The following USP19 variants were observed in gnomAD, a reference collection of about 807,000 sequenced individuals.
USP19 encodes ubiquitin carboxyl-terminal hydrolase 19.
In USP19, 40 loss-of-function variants were observed where a neutral mutation model predicts 144.8. The ratio of observed to expected loss-of-function variants is 0.28; its 90% CI spans 0.21 to 0.36. The LOEUF (loss-of-function observed/expected upper bound fraction) is 0.36, where lower values mean the gene tolerates loss of function less well. Among genes scored for constraint, USP19 ranks in the 10% least tolerant of loss-of-function variants. The probability of loss-of-function intolerance (pLI) is 1.00; values close to 1 mark genes in which losing one functional copy is unlikely to be tolerated. For missense variants in USP19, 1,518 were observed against 1,822.5 expected (o/e 0.83, Z 3.04); for synonymous variants, 701 against 709.3 (o/e 0.99, Z 0.19).
In USP19 at chr3:49,114,595, T is replaced by C. The variant is rs2043774498; in HGVS notation, c.2292+168A>G. Among the ~76,000 whole-genome samples the C allele has an allele frequency of 6.6e-6, 1 of 152,198 alleles. No individual in the cohort carries two copies. The highest frequency in any genetic ancestry group is 1.5e-5 in the Non-Finnish European group (1 of 68,024). On this transcript the variant is annotated intron_variant, in intron 15 of 26. Coordinates refer to ENST00000417901, the MANE Select transcript of USP19 (RefSeq NM_001199161.2). This position sits in a 1 kb window ranked among gnomAD's most constrained non-coding sequence, Gnocchi z 4.5. ...TCACTTTTCCCTCAGTCAGGAAGCCTACCCTGAGTGGGCTCTTCAGCCCAA... is the reference window on the plus strand; with the variant it reads ...TCACTTTTCCCTCAGTCAGGAAGCCCACCCTGAGTGGGCTCTTCAGCCCAA...
chr3:49,114,622 T>C lies in USP19; in HGVS notation c.2292+141A>G. 1.1e-6 allele frequency: 1 copy of C among 886,448 alleles called. No individual in the cohort carries two copies. Among genetic ancestry groups the C allele is most frequent in the South Asian group, 1.7e-5 (1 of 58,546 alleles). The allele number at this position is 886,448 out of a possible 1,614,324, so 54.9% of individuals were successfully genotyped here. On this transcript the variant is annotated intron_variant, in intron 15 of 26. Transcript: ENST00000417901. This position sits in a 1 kb window ranked among gnomAD's most constrained non-coding sequence, Gnocchi z 4.5. ...CCCTGAGTGGGCTCTTCAGCCCAAA[T>C]AGAATCCTAAGGCCTCCCTGCCAGC...
Position 49,111,095 on chromosome 3 carries a change from C to T in USP19, c.3400G>A (p.Glu1134Lys). The change falls in exon 23 of 27, where the codon GAG becomes AAG. Residue 1134 changes from glutamate (E) to lysine (K), a missense_variant. Coordinates refer to ENST00000417901, the MANE Select transcript of USP19 (RefSeq NM_001199161.2). This position sits in a 1 kb window ranked among gnomAD's most constrained non-coding sequence, Gnocchi z 5.9. ...LVWRNNERLQ[E>K]FVLVASKELE... ...TCCTTGGAGGCTACCAACACAAACT[C>T]CTGCAAGCGCTCATTGTTCCGCCAG... is the stretch of plus-strand genomic sequence containing the variant. 1 of 1,613,968 alleles carries T rather than the reference C, an allele frequency of 6.2e-7. No individual in the cohort carries two copies. Among genetic ancestry groups the T allele is most frequent in the Non-Finnish European group, 8.5e-7 (1 of 1,180,040 alleles).
Position 49,117,366 on chromosome 3 carries a change from C to T in USP19, c.607-5G>A. ...CTGGGTCCCTAGAGGTTTCTTCTGC[C>T]AAAGATACAGCAGTCAGGCCCTGTC... On this transcript the variant is annotated splice_region_variant and splice_polypyrimidine_tract_variant and intron_variant, in intron 5 of 26. Transcript: ENST00000417901. This position sits in a 1 kb window ranked among gnomAD's most constrained non-coding sequence, Gnocchi z 4.4. The T allele has an allele frequency of 6.3e-7, 1 of 1,598,476 alleles. No individual in the cohort carries two copies. Among genetic ancestry groups the T allele is most frequent in the Non-Finnish European group, 8.6e-7 (1 of 1,169,318 alleles).
rs1014109634 is a variant in USP19 at position 49,117,966 on chromosome 3, T to C, written c.279A>G (p.Gln93=). ...PSSSGSASTP[Q]EEQTKEGACE... ...ACTGACCCTCTTTGGTCTGCTCCTC[T>C]TGAGGAGTGGATGCTGACCCTGACG... The change falls in exon 3 of 27, where the codon CAA becomes CAG. Residue 93 remains glutamine, a synonymous_variant. Transcript: ENST00000417901. This position sits in a 1 kb window ranked among gnomAD's most constrained non-coding sequence, Gnocchi z 4.4. The C allele has an allele frequency of 9.3e-6, 15 of 1,612,404 alleles. No individual in the cohort carries two copies. Among genetic ancestry groups the C allele is most frequent in the Non-Finnish European group, 1.3e-5 (15 of 1,179,648 alleles).
chr3:49,108,738 G>A lies in USP19; in HGVS notation c.4039-210C>T. ...CAGGAAGTAGCTTGGGCAGGGCCAAGCCTGAGGCCAAGGGTCAGAGCAGCA... is the reference window on the plus strand; with the variant it reads ...CAGGAAGTAGCTTGGGCAGGGCCAAACCTGAGGCCAAGGGTCAGAGCAGCA... On this transcript the variant is annotated intron_variant, in intron 26 of 26. Transcript: ENST00000417901. The surrounding 1 kb of genome is among the most constrained non-coding windows in gnomAD (Gnocchi z 4.8). 1 of 1,376,236 alleles carries A rather than the reference G, an allele frequency of 7.3e-7. No individual in the cohort carries two copies. The highest frequency in any genetic ancestry group is 9.3e-7 in the Non-Finnish European group (1 of 1,069,752). 85.3% of individuals were successfully genotyped at this position (1,376,236 alleles called of 1,614,324 possible). A position where few individuals can be genotyped will look rare whatever the true frequency, so the allele number is the denominator to read the frequency against.
chr3:49,117,705 C>T lies in USP19; in HGVS notation c.424G>A (p.Asp142Asn). 3.1e-6 allele frequency: 5 copies of T among 1,614,208 alleles called. No homozygotes were observed. Among genetic ancestry groups the T allele is most frequent in the African/African-American group, 1.3e-5 (1 of 75,050 alleles). ...RVGVGPLQLE[D>N]VDAAFTDTDC... ...GTATCTGTGAAAGCAGCATCTACATCCTCCAGCTGCAGGGGACCTACTCCC... is the reference window on the plus strand; with the variant it reads ...GTATCTGTGAAAGCAGCATCTACATTCTCCAGCTGCAGGGGACCTACTCCC... Residue 142 changes from aspartate to asparagine, a missense_variant, in exon 4 of 27, where the codon GAT becomes AAT. By Grantham distance (23) the Asp-to-Asn change is conservative. This residue lies in a region of USP19 where 707 missense variants were observed against 728.9 expected (regional missense o/e 0.97). Transcript: ENST00000417901. The surrounding 1 kb of genome is among the most constrained non-coding windows in gnomAD (Gnocchi z 4.4).
In USP19 at chr3:49,112,229, G is replaced by A. The variant is rs2043281105; in HGVS notation, c.2765+55C>T. The A allele has an allele frequency of 6.4e-7, 1 of 1,566,294 alleles. No homozygotes were observed. The highest frequency in any genetic ancestry group is 1.9e-5 in the Admixed American group (1 of 52,556). ...TGCCTTGGTGTGAAGGGAAGGAGCAGGGTGGCACATGGAAGGTGGAAAGAA... is the reference window on the plus strand; with the variant it reads ...TGCCTTGGTGTGAAGGGAAGGAGCAAGGTGGCACATGGAAGGTGGAAAGAA... On this transcript the variant is annotated intron_variant, in intron 19 of 26. Transcript: ENST00000417901. This position sits in a 1 kb window ranked among gnomAD's most constrained non-coding sequence, Gnocchi z 4.9.
In USP19 at chr3:49,117,685, T is replaced by G. The variant is rs2107534450; in HGVS notation, c.444A>C (p.Thr148=). Residue 148 remains threonine, a synonymous_variant, in exon 4 of 27, where the codon ACA becomes ACC. Transcript: ENST00000417901. The surrounding 1 kb of genome is among the most constrained non-coding windows in gnomAD (Gnocchi z 4.4). ...LQLEDVDAAF[T]DTDCVVRFAG... ...CAAACCGCACCACACAGTCTGTATC[T>G]GTGAAAGCAGCATCTACATCCTCCA... 3 of 1,614,186 alleles carry G rather than the reference T, an allele frequency of 1.9e-6. No individual in the cohort carries two copies. The South Asian group carries it at 3.3e-5, about 18-fold the overall frequency.
chr3:49,109,925 G>A (rs1366668214), intron 26 of USP19: 2 of 350,378 alleles, frequency 5.7e-6, no homozygotes, highest in African/African-American at 2.1e-5. Flanking sequence ...GAGGTTCAGA[G>A]CAGTTGCCTG....
Position 49,112,571 on chromosome 3 carries a change from G to A in USP19, c.2564C>T (p.Ser855Phe), listed in dbSNP as rs1283299885. 6.2e-7 allele frequency: 1 copy of A among 1,614,104 alleles called. No homozygotes were observed. Among genetic ancestry groups the A allele is most frequent in the East Asian group, 2.2e-5 (1 of 44,888 alleles). ...FLPSHSLDTV[S>F]PSDTLLCFEL... ...AAAGCAGAGGAGCGTATCAGATGGG[G>A]ACACAGTGTCCAGTGAGTGGGAGGG... Residue 855 changes from serine to phenylalanine, a missense_variant, in exon 18 of 27, where the codon TCC becomes TTC. Coordinates refer to ENST00000417901, the MANE Select transcript of USP19 (RefSeq NM_001199161.2). This position sits in a 1 kb window ranked among gnomAD's most constrained non-coding sequence, Gnocchi z 4.9.
rs2043885598 is a variant in USP19, at chr3:49,115,245, G to A, written c.2005C>T (p.Gln669Ter). 1 of 1,613,882 alleles carries A rather than the reference G, an allele frequency of 6.2e-7. No individual in the cohort carries two copies. The highest frequency in any genetic ancestry group is 8.5e-7 in the Non-Finnish European group (1 of 1,179,978). ...CAGATCACCTTCAACTTGGAAGGCT[G>A]GAAGGCATGGTGGGTGCCCTTCCAC... is the stretch of plus-strand genomic sequence containing the variant. The part of the protein sequence containing the change: ...ALWKGTHHAF[Q>*]PSKLKAIVAS... Residue 669 changes from glutamine to a stop codon, truncating the protein, a stop_gained, in exon 13 of 27, where the codon CAG (glutamine) becomes TAG (stop). Transcript: ENST00000417901. LOFTEE classifies it high-confidence loss of function. This position sits in a 1 kb window ranked among gnomAD's most constrained non-coding sequence, Gnocchi z 6.6.
In USP19 at chr3:49,108,894, C is replaced by G; in HGVS notation, c.4039-366G>C. ...CAAAGCCCAGAGGTGTTCCCCACAACAAAGGCAGGCATGGCCTGGGGCAGG... is the reference window on the plus strand; with the variant it reads ...CAAAGCCCAGAGGTGTTCCCCACAAGAAAGGCAGGCATGGCCTGGGGCAGG... On this transcript the variant is annotated intron_variant, in intron 26 of 26. Transcript: ENST00000417901. The surrounding 1 kb of genome is among the most constrained non-coding windows in gnomAD (Gnocchi z 4.8). 1 of 1,537,024 alleles carries G rather than the reference C, an allele frequency of 6.5e-7. No homozygotes were observed. Among genetic ancestry groups the G allele is most frequent in the African/African-American group, 1.4e-5 (1 of 72,902 alleles).
rs953340361 is a variant in USP19 at position 49,108,668 on chromosome 3, C to T, written c.4039-140G>A. 10 of 1,287,560 alleles carry T rather than the reference C, an allele frequency of 7.8e-6. 1 individual carries two copies. Among genetic ancestry groups the T allele is most frequent in the East Asian group, 6.4e-5 (2 of 31,402 alleles). The allele number at this position is 1,287,560 out of a possible 1,614,324, so 79.8% of individuals were successfully genotyped here. A position where few individuals can be genotyped will look rare whatever the true frequency, so the allele number is the denominator to read the frequency against. The stretch of plus-strand genomic sequence containing the variant: ...CAGCAGCGGCGTTGAGACAGAGAGA[C>T]GAGATTGGGCCTGAATAGTCTGGTT... On this transcript the variant is annotated intron_variant, in intron 26 of 26. Coordinates refer to ENST00000417901, the MANE Select transcript of USP19 (RefSeq NM_001199161.2). The surrounding 1 kb of genome is among the most constrained non-coding windows in gnomAD (Gnocchi z 4.8).
chr3:49,112,212 T>C lies in USP19; in HGVS notation c.2765+72A>G, dbSNP rs1025910977. On this transcript the variant is annotated intron_variant, in intron 19 of 26. Transcript: ENST00000417901. The surrounding 1 kb of genome is among the most constrained non-coding windows in gnomAD (Gnocchi z 4.9). ...GAAAGCTTAAGCATATGTGCCTTGG[T>C]GTGAAGGGAAGGAGCAGGGTGGCAC... is the stretch of plus-strand genomic sequence containing the variant. The C allele has an allele frequency of 8.7e-5, 135 of 1,555,584 alleles. No homozygotes were observed. The Admixed American group carries it at 2.6e-3, about 30-fold the overall frequency.
chr3:49,112,608 G>A lies in USP19; in HGVS notation c.2527C>T (p.Arg843Cys), dbSNP rs370054193. The A allele has an allele frequency of 3.5e-5, 57 of 1,613,344 alleles. No individual in the cohort carries two copies. Among genetic ancestry groups the A allele is most frequent in the Non-Finnish European group, 4.7e-5 (55 of 1,179,604 alleles). Residue 843 changes from arginine to cysteine, a missense_variant, in exon 18 of 27, where the codon CGT becomes TGT. Arg to Cys is a radical substitution (Grantham distance 180). This residue lies in a region of USP19 where 413 missense variants were observed against 515.8 expected (regional missense o/e 0.80). Transcript: ENST00000417901. This position sits in a 1 kb window ranked among gnomAD's most constrained non-coding sequence, Gnocchi z 4.9. ...LAEVIKNRFH[R>C]VFLPSHSLDT... ...AGTGAGTGGGAGGGTAGGAACACAC[G>A]ATGAAAACGATTCTTAATTACCTGG... is the stretch of plus-strand genomic sequence containing the variant.
chr3:49,110,668 G>A lies in USP19; in HGVS notation c.3698+43C>T, dbSNP rs1232245268. The A allele has an allele frequency of 6.2e-7, 1 of 1,611,528 alleles. No individual in the cohort carries two copies. Among genetic ancestry groups the A allele is most frequent in the South Asian group, 1.1e-5 (1 of 90,930 alleles). The stretch of plus-strand genomic sequence containing the variant: ...AACAGGCGCTCAGGATGCCCATCCT[G>A]GTCCTCACACCCCACCCACAGTTAC... On this transcript the variant is annotated intron_variant, in intron 24 of 26. Coordinates refer to ENST00000417901, the MANE Select transcript of USP19 (RefSeq NM_001199161.2). The surrounding 1 kb of genome is among the most constrained non-coding windows in gnomAD (Gnocchi z 6.1).
At position 49,117,693 on chromosome 3, in the gene USP19, C is replaced by T. The variant is rs756157022; in HGVS notation, c.436G>A (p.Ala146Thr). 6.2e-6 allele frequency: 10 copies of T among 1,614,084 alleles called. No individual in the cohort carries two copies. ...GPLQLEDVDA[A>T]FTDTDCVVRF... ...ACCACACAGTCTGTATCTGTGAAAG[C>T]AGCATCTACATCCTCCAGCTGCAGG... Residue 146 changes from alanine (A) to threonine (T), a missense_variant, in exon 4 of 27, where the codon GCT becomes ACT. Ala to Thr is a moderately conservative substitution (Grantham distance 58). This residue lies in a region of USP19 where 707 missense variants were observed against 728.9 expected (regional missense o/e 0.97). Coordinates refer to ENST00000417901, the MANE Select transcript of USP19 (RefSeq NM_001199161.2). The surrounding 1 kb of genome is among the most constrained non-coding windows in gnomAD (Gnocchi z 4.4).
In USP19 at chr3:49,115,376, C is replaced by T. The variant is rs1560021436; in HGVS notation, c.1889-15G>A. On this transcript the variant is annotated splice_polypyrimidine_tract_variant and intron_variant, in intron 12 of 26. Coordinates refer to ENST00000417901, the MANE Select transcript of USP19 (RefSeq NM_001199161.2). This position sits in a 1 kb window ranked among gnomAD's most constrained non-coding sequence, Gnocchi z 6.6. ...AAAGGAGCGGTCTAGGAATAGTAGC[C>T]GAGCAAAGGTGTGAGGAACAAAGGC... 2 of 1,614,152 alleles carry T rather than the reference C, an allele frequency of 1.2e-6. No individual in the cohort carries two copies. Among genetic ancestry groups the T allele is most frequent in the Admixed American group, 1.7e-5 (1 of 60,026 alleles).
Position 49,112,276 on chromosome 3 carries a change from G to A in USP19, c.2765+8C>T, listed in dbSNP as rs1436014112. On this transcript the variant is annotated splice_region_variant and intron_variant, in intron 19 of 26. Coordinates refer to ENST00000417901, the MANE Select transcript of USP19 (RefSeq NM_001199161.2). The surrounding 1 kb of genome is among the most constrained non-coding windows in gnomAD (Gnocchi z 4.9). Reference sequence around the variant, plus strand: ...AGAAAGGGTAGGGGAGACCATGGGGGTCCTCACTGGTTGCAGTAGCCCACA... The same window carrying A: ...AGAAAGGGTAGGGGAGACCATGGGGATCCTCACTGGTTGCAGTAGCCCACA... 1 of 1,602,254 alleles carries A rather than the reference G, an allele frequency of 6.2e-7. No individual in the cohort carries two copies. Among genetic ancestry groups the A allele is most frequent in the Non-Finnish European group, 8.5e-7 (1 of 1,174,586 alleles).
Sources: allele counts gnomAD v4.1 joint callset (sites outside exome capture counted in the v4.1 genomes callset), GRCh38; gene constraint gnomAD v4.1.1; regional missense constraint gnomAD v4.1.1; non-coding constraint Gnocchi (gnomAD v3.1); transcripts MANE v1.5; gene names NCBI Gene and HGNC (gene_info 2026-07-23, HGNC 2026-07-21).